Variants in XYLT1 observed in about 807,000 individuals in gnomAD.
XYLT1 encodes the protein xylosyltransferase 1, also known as beta-D-xylosyltransferase 1.
A neutral mutation model predicts 91.3 loss-of-function variants in XYLT1; 36 were observed. The observed-to-expected ratio is 0.39, with a 90% CI of 0.30 to 0.52. The LOEUF (loss-of-function observed/expected upper bound fraction) is 0.52. XYLT1 is among the 20% of genes least tolerant of loss of function. The pLI, the probability that XYLT1 is intolerant of heterozygous loss-of-function variation, is 0.68. For synonymous variants in XYLT1, 588 were observed against 532.0 expected (o/e 1.11, Z -1.45); for missense variants, 1,242 against 1,284.5 (o/e 0.97, Z 0.51).
rs1160096764 is a variant in XYLT1, at chr16:17,107,031, T to C, written c.*1664A>G. On this transcript the variant is annotated 3_prime_UTR_variant, in exon 12 of 12. Coordinates refer to ENST00000261381, the MANE Select transcript of XYLT1 (RefSeq NM_022166.4). ...GGGGCCTTTTGTGAATAAAGGCAGC[T>C]TCAGTTAGTAAGGTAACATAATTGA... 2 of 152,110 alleles carry C rather than the reference T, an allele frequency of 1.3e-5. No homozygotes were observed. Among genetic ancestry groups the C allele is most frequent in the East Asian group, 3.9e-4 (2 of 5,186 alleles). 9.4% of individuals were successfully genotyped at this position (152,110 alleles called of 1,614,324 possible).
At chr16:17,181,511 G>A (rs942602889) in intron 5 of XYLT1, among the ~76,000 whole-genome samples, 3 of 152,092 alleles carry the variant, frequency 2.0e-5, no homozygotes, top group Admixed American at 6.5e-5. Flanking sequence ...GCCCAATTCC[G>A]GATTAGGTCC....
intron 3 of XYLT1, among the ~76,000 whole-genome samples, chr16:17,223,075 CCT>C (rs1193528128): frequency 6.6e-6 from 1 of 151,868 alleles, no homozygotes; most frequent in African/African-American, 2.4e-5. Context: ...TTGTTAAGTG[CCT>C]CTCTCTGTCT....
At chr16:17,289,661 G>A (rs1017662445) in intron 2 of XYLT1, among the ~76,000 whole-genome samples, 2 of 152,310 alleles carry the variant, frequency 1.3e-5, no homozygotes, top group Admixed American at 6.5e-5. Context: ...TGACAGTTGA[G>A]AATGCAAATG....
intron 2 of XYLT1, among the ~76,000 whole-genome samples, chr16:17,277,297 T>C (rs547519376): frequency 3.3e-5 from 5 of 152,260 alleles, no homozygotes; most frequent in African/African-American, 1.2e-4. Context: ...TGGAGTATGA[T>C]TGACCACTTC....
intron 1 of XYLT1, among the ~76,000 whole-genome samples, chr16:17,383,012 C>T (rs1436574547): frequency 6.6e-6 from 1 of 151,834 alleles, no homozygotes; most frequent in African/African-American, 2.4e-5. Flanking sequence ...AAGACAGAGT[C>T]ACACCATGCC....
chr16:17,348,330 C>T (rs150212770), intron 2 of XYLT1, among the ~76,000 whole-genome samples: 11 of 152,126 alleles, frequency 7.2e-5, no homozygotes, highest in Admixed American at 2.0e-4. Context: ...AGCTGCTGAA[C>T]GACTGGGCAA....
intron 1 of XYLT1, among the ~76,000 whole-genome samples, chr16:17,456,382 G>A (rs547221941): frequency 7.0e-6 from 1 of 142,720 alleles, no homozygotes; most frequent in South Asian, 2.2e-4. Flanking sequence ...CGGTCACCCA[G>A]GCTGGAGTGC....
chr16:17,249,376 T>G (rs891313273), intron 3 of XYLT1, among the ~76,000 whole-genome samples: 16 of 152,212 alleles, frequency 1.1e-4, no homozygotes. Flanking sequence ...CCACGTTATC[T>G]TCTTTCCCAG....
intron 1 of XYLT1, among the ~76,000 whole-genome samples, chr16:17,391,702 G>A (rs557594840): frequency 6.6e-6 from 1 of 152,212 alleles, no homozygotes; most frequent in South Asian, 2.1e-4. Flanking sequence ...GGGCTTGGCT[G>A]TGTCCCCACC....
At chr16:17,180,122 A>G (rs17275876) in intron 5 of XYLT1, among the ~76,000 whole-genome samples, 26,016 of 152,166 alleles carry the variant, frequency 0.17, 2,470 homozygotes, top group Admixed American at 0.26. Context: ...GCAGAAACTC[A>G]GTGGCAGGGA....
chr16:17,157,111 C>T (rs1468287882), intron 6 of XYLT1, among the ~76,000 whole-genome samples: 4 of 152,048 alleles, frequency 2.6e-5, no homozygotes, highest in Non-Finnish European at 5.9e-5. Context: ...CCACACCCGG[C>T]TAATTTTTGT....
intron 1 of XYLT1, among the ~76,000 whole-genome samples, chr16:17,428,059 C>T (rs1377933254): frequency 2.6e-5 from 4 of 152,030 alleles, no homozygotes; most frequent in South Asian, 2.1e-4. Context: ...GGTGTGATTT[C>T]GGCTCACTGC....
intron 2 of XYLT1, among the ~76,000 whole-genome samples, chr16:17,342,703 C>G (rs763949930): frequency 8.6e-5 from 13 of 151,622 alleles, no homozygotes; most frequent in Non-Finnish European, 1.6e-4. Context: ...GCCTGGGCAA[C>G]AGAGAGAGAC....
Position 17,324,165 on chromosome 16 carries a change from A to G in XYLT1, c.402+33847T>C, listed in dbSNP as rs146666105. Among the ~76,000 whole-genome samples the G allele has an allele frequency of 3.6e-3, 546 of 152,328 alleles. 2 individuals are homozygous for G. Among genetic ancestry groups the G allele is most frequent in the Admixed American group, 5.3e-3 (81 of 15,296 alleles). ...CTCTCCACCTTGCCAATCCAGAGAC[A>G]ACAAGGGAAAAAAGTGAGAAATAAA... On this transcript the variant is annotated intron_variant, in intron 2 of 11. Transcript: ENST00000261381.
chr16:17,200,676 A>C (rs745379729), intron 3 of XYLT1, 22 bp from the exon 4 acceptor site: 1 of 1,603,864 alleles, frequency 6.2e-7, no homozygotes, highest in East Asian at 2.2e-5. Context: ...CCAAGAGAAC[A>C]GAGAGGAGAA....
chr16:17,415,563 G>A (rs1337716330), intron 1 of XYLT1, among the ~76,000 whole-genome samples: 4 of 152,128 alleles, frequency 2.6e-5, no homozygotes, highest in Admixed American at 6.5e-5. Context: ...GTGGTGGCAC[G>A]TGACTGTAGT....
chr16:17,149,107 G>GGAAGAAGTCCTGATTCTCCCCCATGGGA (rs1260734223), intron 6 of XYLT1, among the ~76,000 whole-genome samples: 6 of 152,120 alleles, frequency 3.9e-5, no homozygotes, highest in South Asian at 2.1e-4. Flanking sequence ...ACAGAGGGTG[G>GGAAGAAGTCCTGATTCTCCCCCATGGGA]GAAGAAGTCC....
chr16:17,106,004 G>A lies in XYLT1; in HGVS notation c.*2691C>T, dbSNP rs1219724607. 9 of 152,140 alleles carry A rather than the reference G, an allele frequency of 5.9e-5. No individual in the cohort carries two copies. The allele number at this position is 152,140 out of a possible 1,614,324, so 9.4% of individuals were successfully genotyped here. The stretch of plus-strand genomic sequence containing the variant: ...TCTATTAATTAATAACATCAGAGAA[G>A]GGAGAGGAATACCCTGTGTGACTTC... On this transcript the variant is annotated 3_prime_UTR_variant, in exon 12 of 12. Coordinates refer to ENST00000261381, the MANE Select transcript of XYLT1 (RefSeq NM_022166.4).
chr16:17,134,233 G>GTAAAATCATTGGGTACGAATC, intron 9 of XYLT1, among the ~76,000 whole-genome samples: 1 of 152,154 alleles, frequency 6.6e-6, no homozygotes, highest in East Asian at 1.9e-4. Flanking sequence ...CATGAAGAAT[G>GTAAAATCATTGGGTACGAATC]AGTAAAATCA....
Sources: gnomAD v4.1 joint callset for allele counts (sites outside exome capture counted in the v4.1 genomes callset) on GRCh38, gnomAD v4.1.1 for gene constraint, MANE v1.5 for transcripts, NCBI Gene and HGNC (gene_info 2026-07-23, HGNC 2026-07-21) for gene names.